The following CACNA1B variants were observed in gnomAD, a reference collection of about 807,000 sequenced individuals.
CACNA1B encodes the protein voltage-dependent N-type calcium channel subunit alpha-1B.
Under a neutral mutation model 247.2 loss-of-function variants are expected in CACNA1B, and 70 were observed. The observed-to-expected ratio is 0.28, with a 90% CI of 0.23 to 0.35. CACNA1B has a LOEUF of 0.35. CACNA1B is among the 10% of genes least tolerant of loss of function. The pLI is 1.00. For missense variants in CACNA1B, 2,367 were observed against 3,197.4 expected, an observed-to-expected ratio of 0.74 and a Z score of 6.26; for synonymous variants, 1,231 against 1,294.4, an observed-to-expected ratio of 0.95 and a Z score of 1.05.
chr9:138,003,168 A>C (rs983583259), intron 15 of CACNA1B, among the ~76,000 whole-genome samples: 3 of 145,920 alleles, frequency 2.1e-5, no homozygotes, highest in Admixed American at 1.4e-4. Context: ...CAATAGAGCA[A>C]GACCCCATCT....
At chr9:137,900,186 CT>C (rs1043367489) in intron 3 of CACNA1B, among the ~76,000 whole-genome samples, 3 of 152,170 alleles carry the variant, frequency 2.0e-5, no homozygotes, top group African/African-American at 7.2e-5. Context: ...GGGTGCCCCC[CT>C]GGCCCACGCG....
chr9:138,035,179 C>T lies in CACNA1B; in HGVS notation c.3287-8595C>T, dbSNP rs113935909. ...ATCTCAAGAAAAAGATGACCGCTGG[C>T]CGGGCACAGTGGCTCATGCCTGTAA... On this transcript the variant is annotated intron_variant, in intron 20 of 46. Coordinates refer to ENST00000371372, the MANE Select transcript of CACNA1B (RefSeq NM_000718.4). Among the ~76,000 whole-genome samples, 1,384 of 152,388 alleles carry T rather than the reference C, an allele frequency of 9.1e-3. 8 individuals carry two copies. Among genetic ancestry groups the T allele is most frequent in the South Asian group, 0.012 (59 of 4,832 alleles).
At chr9:138,105,259 A>G (rs551745853) in intron 38 of CACNA1B, among the ~76,000 whole-genome samples, 14 of 151,920 alleles carry the variant, frequency 9.2e-5, no homozygotes, top group Non-Finnish European at 1.9e-4. Flanking sequence ...TGGACCACCT[A>G]CTCCTTGTCC....
At chr9:137,976,068 G>A in intron 12 of CACNA1B, 49 bp downstream of exon 12, 1 of 1,131,084 alleles carries the variant, frequency 8.8e-7, no homozygotes, top group Non-Finnish European at 1.3e-6. Flanking sequence ...TTTCCTGCAG[G>A]TGCACACAGC....
At chr9:138,043,925 G>T (rs1235633946) in intron 21 of CACNA1B, 25 bp downstream of exon 21, 1 of 1,608,606 alleles carries the variant, frequency 6.2e-7, no homozygotes, top group Admixed American at 1.7e-5. Flanking sequence ...CTGCTGGTGT[G>T]TGTGGCCGCC....
chr9:138,024,387 G>T (rs555320834), intron 19 of CACNA1B, among the ~76,000 whole-genome samples: 28 of 152,304 alleles, frequency 1.8e-4, no homozygotes, highest in African/African-American at 6.5e-4. Flanking sequence ...GGTACCCACT[G>T]GCCACAAACC....
At chr9:137,893,048 G>A (rs1410426560) in intron 3 of CACNA1B, among the ~76,000 whole-genome samples, 1 of 152,128 alleles carries the variant, frequency 6.6e-6, no homozygotes, top group Non-Finnish European at 1.5e-5. Flanking sequence ...CTCCAGTGAG[G>A]GGCTCTCTCC....
At chr9:138,003,087 T>C (rs888027836) in intron 15 of CACNA1B, among the ~76,000 whole-genome samples, 3 of 151,668 alleles carry the variant, frequency 2.0e-5, no homozygotes, top group Admixed American at 6.6e-5. Context: ...TGAGCCACTG[T>C]GCCTGGCCCA....
At chr9:138,077,006 C>T (rs938941414) in intron 35 of CACNA1B, among the ~76,000 whole-genome samples, 5 of 152,232 alleles carry the variant, frequency 3.3e-5, no homozygotes, top group African/African-American at 7.2e-5. Flanking sequence ...TATTACTATT[C>T]TGCCTCATGC....
chr9:137,993,920 C>T (rs777788068), intron 15 of CACNA1B, among the ~76,000 whole-genome samples: 27 of 152,120 alleles, frequency 1.8e-4, no homozygotes, highest in Non-Finnish European at 2.5e-4. Context: ...ACCAATATCC[C>T]TGATGAACAT....
chr9:137,938,220 C>T (rs565475193), intron 6 of CACNA1B, among the ~76,000 whole-genome samples: 247 of 152,122 alleles, frequency 1.6e-3, no homozygotes, highest in Non-Finnish European at 2.7e-3. Context: ...TGAGAGAATT[C>T]GCTACTACCA....
Position 138,052,006 on chromosome 9 carries a change from G to A in CACNA1B, c.3711-86G>A. The A allele has an allele frequency of 1.4e-6, 1 of 731,676 alleles. No individual in the cohort carries two copies. The highest frequency in any genetic ancestry group is 2.1e-5 in the Admixed American group (1 of 48,440). The allele number at this position is 731,676 out of a possible 1,614,324, so 45.3% of individuals were successfully genotyped here. A position where few individuals can be genotyped will look rare whatever the true frequency, so the allele number is the denominator to read the frequency against. On this transcript the variant is annotated intron_variant, in intron 24 of 46. Transcript: ENST00000371372. The surrounding 1 kb of genome is among the most constrained non-coding windows in gnomAD (Gnocchi z 5.1). ...AGTCTGAGACAAAATGCACAGGGGA[G>A]CAGGACTCAGACCCTGGGGGGCCAC...
chr9:137,934,068 A>G (rs1957636825), intron 6 of CACNA1B, among the ~76,000 whole-genome samples: 1 of 152,260 alleles, frequency 6.6e-6, no homozygotes, highest in African/African-American at 2.4e-5. Context: ...AATATAAAAA[A>G]TAGCTACCAA....
chr9:138,090,662 T>C (rs1438606538), intron 36 of CACNA1B, among the ~76,000 whole-genome samples: 2 of 100,470 alleles, frequency 2.0e-5, no homozygotes, highest in African/African-American at 8.0e-5. Flanking sequence ...GACAAGCTAT[T>C]AATATCCAAA....
chr9:137,972,881 T>C (rs1958171811), intron 11 of CACNA1B, among the ~76,000 whole-genome samples: 1 of 152,216 alleles, frequency 6.6e-6, no homozygotes, highest in Non-Finnish European at 1.5e-5. Flanking sequence ...TACATGGAAC[T>C]GCCTGTCCCA....
chr9:137,967,085 G>A (rs1049712984), intron 10 of CACNA1B, among the ~76,000 whole-genome samples: 2 of 151,842 alleles, frequency 1.3e-5, no homozygotes, highest in Admixed American at 1.3e-4. Context: ...AAGTTCTGCT[G>A]CTTTAATCGA....
In CACNA1B at chr9:137,917,306, A is replaced by T; in HGVS notation, c.841A>T (p.Thr281Ser). 6.2e-7 allele frequency: 1 copy of T among 1,613,976 alleles called. No individual in the cohort carries two copies. Among genetic ancestry groups the T allele is most frequent in the East Asian group, 2.2e-5 (1 of 44,880 alleles). The change falls in exon 6 of 47, where the codon ACT becomes TCT. Residue 281 changes from threonine to serine, a missense_variant. This residue lies in a region of CACNA1B where 130 missense variants were observed against 338.7 expected (regional missense o/e 0.38). Coordinates refer to ENST00000371372, the MANE Select transcript of CACNA1B (RefSeq NM_000718.4). This position sits in a 1 kb window ranked among gnomAD's most constrained non-coding sequence, Gnocchi z 5.5. ...CCCAGCCCGGCTGTGCGAGGGCGAC[A>T]CTGAGTGCCGGGAGTACTGGCCAGG... Reference protein sequence around the residue: ...EAPARLCEGDTECREYWPGPN... With the variant: ...EAPARLCEGDSECREYWPGPN...
intron 3 of CACNA1B, among the ~76,000 whole-genome samples, chr9:137,900,760 C>T (rs1957227872): frequency 7.5e-6 from 1 of 134,056 alleles, no homozygotes; most frequent in Middle Eastern, 5.9e-3. Context: ...TCTCTCTGTC[C>T]CTGTGTCTGT....
chr9:137,899,039 T>TG lies in CACNA1B; in HGVS notation c.531-14138dup, dbSNP rs933513626. ...CTCCCGCCTCAGCTTTCCAAAGTGCTGGGATTGTAGGTGTGAGCCACCCTG... is the reference window on the plus strand; with the variant it reads ...CTCCCGCCTCAGCTTTCCAAAGTGCTGGGGATTGTAGGTGTGAGCCACCCTG... On this transcript the variant is annotated intron_variant, in intron 3 of 46. Coordinates refer to ENST00000371372, the MANE Select transcript of CACNA1B (RefSeq NM_000718.4). The surrounding 1 kb of genome is among the most constrained non-coding windows in gnomAD (Gnocchi z 5.0). 4.6e-5 allele frequency among the ~76,000 whole-genome samples: 7 copies of TG among 152,054 alleles called. No individual in the cohort carries two copies. Among genetic ancestry groups the TG allele is most frequent in the Admixed American group, 1.3e-4 (2 of 15,254 alleles).
Sources: gnomAD v4.1 joint callset for allele counts (sites outside exome capture counted in the v4.1 genomes callset) on GRCh38, gnomAD v4.1.1 for gene constraint, gnomAD v4.1.1 regional missense constraint, Gnocchi (gnomAD v3.1) non-coding constraint, MANE v1.5 for transcripts, NCBI Gene and HGNC (gene_info 2026-07-23, HGNC 2026-07-21) for gene names.